The following CELF6 variants were observed in gnomAD, a reference collection of about 807,000 sequenced individuals.
CELF6 encodes CUGBP Elav-like family member 6.
Under a neutral mutation model 53.1 loss-of-function variants are expected in CELF6, and 32 were observed. The ratio of observed to expected loss-of-function variants is 0.60; its 90% CI spans 0.46 to 0.81. The LOEUF (loss-of-function observed/expected upper bound fraction) is 0.81. Ranked by LOEUF, CELF6 falls within the 30% of genes least tolerant of loss-of-function variation. The pLI, the probability that CELF6 is intolerant of heterozygous loss-of-function variation, is 0.00. For missense variants in CELF6, 539 were observed against 669.5 expected, an observed-to-expected ratio of 0.81 and a Z score of 2.15; for synonymous variants, 291 against 288.8, an observed-to-expected ratio of 1.01 and a Z score of -0.08.
intron 3 of CELF6, among the ~76,000 whole-genome samples, chr15:72,301,839 C>T (rs558615862): frequency 1.1e-3 from 171 of 151,524 alleles, no homozygotes; most frequent in Middle Eastern, 6.8e-3. Flanking sequence ...TGGGTTCACG[C>T]CGTTCTCCCG....
At chr15:72,317,283 T>C (rs2088374822) in intron 1 of CELF6, among the ~76,000 whole-genome samples, 1 of 152,168 alleles carries the variant, frequency 6.6e-6, no homozygotes, top group Non-Finnish European at 1.5e-5. Flanking sequence ...GGAGAAGGAC[T>C]GAAGGAGGAG....
intron 3 of CELF6, among the ~76,000 whole-genome samples, chr15:72,303,902 G>A (rs771567185): frequency 6.6e-6 from 1 of 152,148 alleles, no homozygotes; most frequent in African/African-American, 2.4e-5. Context: ...CTGTTGCCCA[G>A]GCTGGAGTGC....
intron 2 of CELF6, 69 bp downstream of exon 2, chr15:72,315,775 GC>G: frequency 9.3e-7 from 1 of 1,078,348 alleles, no homozygotes; most frequent in Non-Finnish European, 1.3e-6. Context: ...CCCACATGCT[GC>G]TTTGGCATGC....
intron 3 of CELF6, among the ~76,000 whole-genome samples, chr15:72,301,868 A>G (rs1220134163): frequency 6.6e-6 from 1 of 151,364 alleles, no homozygotes; most frequent in Non-Finnish European, 1.5e-5. Flanking sequence ...TCCTGAGTAG[A>G]TGGGACTACA....
At chr15:72,296,644 A>G (rs1273110694) in intron 3 of CELF6, among the ~76,000 whole-genome samples, 2 of 152,272 alleles carry the variant, frequency 1.3e-5, no homozygotes, top group African/African-American at 4.8e-5. Context: ...GGATTTGTAT[A>G]GATGTTTCTG....
At chr15:72,301,648 A>G (rs2141196269) in intron 3 of CELF6, among the ~76,000 whole-genome samples, 1 of 152,282 alleles carries the variant, frequency 6.6e-6, no homozygotes, top group East Asian at 1.9e-4. Context: ...GGTCACAGAT[A>G]TAAGACTTAA....
Position 72,289,247 on chromosome 15 carries a change from TG to T in CELF6, c.920del (p.Pro307GlnfsTer15). 6.3e-7 allele frequency: 1 copy of T among 1,584,118 alleles called. No individual in the cohort carries two copies. The highest frequency in any genetic ancestry group is 8.6e-7 in the Non-Finnish European group (1 of 1,169,580). On this transcript the variant is annotated frameshift_variant, in exon 8 of 13. Transcript: ENST00000287202. LOFTEE classifies it high-confidence loss of function. This position sits in a 1 kb window ranked among gnomAD's most constrained non-coding sequence, Gnocchi z 7.6. ...TGACCCCGATGGGCGCCGGAAGACC[TG>T]GGAGGGTGCCAGGGCCGCTGCCAGG... The part of the protein sequence containing the change: ...SPPGSGPGTL[P>X]GLPAPIGVNG...
intron 3 of CELF6, among the ~76,000 whole-genome samples, chr15:72,299,543 T>C (rs2088125182): frequency 6.6e-6 from 1 of 151,824 alleles, no homozygotes; most frequent in Admixed American, 6.6e-5. Context: ...TGTATTTTAG[T>C]AGAGACAGGG....
chr15:72,290,670 A>G (rs1190186186), intron 3 of CELF6, among the ~76,000 whole-genome samples: 3 of 152,236 alleles, frequency 2.0e-5, no homozygotes, highest in Non-Finnish European at 4.4e-5. Context: ...CTTTCTATTC[A>G]GACTGGGTCC....
At chr15:72,290,057 G>A in intron 4 of CELF6, 39 bp from the exon 5 acceptor site, 1 of 1,613,390 alleles carries the variant, frequency 6.2e-7, no homozygotes, top group Non-Finnish European at 8.5e-7. Context: ...TCAGGCCACA[G>A]GGGCCAAAGA....
chr15:72,311,004 C>G (rs910813606), intron 2 of CELF6, among the ~76,000 whole-genome samples: 2 of 152,168 alleles, frequency 1.3e-5, no homozygotes, highest in African/African-American at 2.4e-5. Flanking sequence ...AGTGTTCACA[C>G]TGTCCCCAAA....
chr15:72,289,507 T>C lies in CELF6; in HGVS notation c.748A>G (p.Ile250Val). Residue 250 changes from isoleucine (I) to valine (V), a missense_variant and splice_region_variant, in exon 7 of 13, where the codon ATC becomes GTC. Coordinates refer to ENST00000287202, the MANE Select transcript of CELF6 (RefSeq NM_052840.5). This position sits in a 1 kb window ranked among gnomAD's most constrained non-coding sequence, Gnocchi z 7.6. ...AGCAGGGCCGCCTGGTGCTGCAGGA[T>C]CTTTGAGAGGAAAGATGGGCGAGAG... is the stretch of plus-strand genomic sequence containing the variant. Reference protein sequence around the residue: ...LGACGAYTTAILQHQAALLAA... With the variant: ...LGACGAYTTAVLQHQAALLAA... 1 of 1,513,710 alleles carries C rather than the reference T, an allele frequency of 6.6e-7. No individual in the cohort carries two copies. The highest frequency in any genetic ancestry group is 1.4e-5 in the African/African-American group (1 of 71,480). 93.8% of individuals were successfully genotyped at this position (1,513,710 alleles called of 1,614,324 possible).
At chr15:72,303,878 T>C (rs1567282335) in intron 3 of CELF6, among the ~76,000 whole-genome samples, 1 of 152,086 alleles carries the variant, frequency 6.6e-6, no homozygotes, top group Non-Finnish European at 1.5e-5. Flanking sequence ...TTTGTTTTGA[T>C]ACAGAGTCAT....
At chr15:72,300,756 C>T (rs2088143886) in intron 3 of CELF6, among the ~76,000 whole-genome samples, 1 of 152,042 alleles carries the variant, frequency 6.6e-6, no homozygotes, top group African/African-American at 2.4e-5. Context: ...ATTGCTTGAA[C>T]CCAGGAGGCA....
intron 3 of CELF6, among the ~76,000 whole-genome samples, chr15:72,298,729 A>T (rs1362563823): frequency 6.6e-6 from 1 of 152,242 alleles, no homozygotes; most frequent in Non-Finnish European, 1.5e-5. Flanking sequence ...CTTTTCCTAT[A>T]AGATCGGTAC....
At chr15:72,310,278 C>A (rs908202122) in intron 2 of CELF6, among the ~76,000 whole-genome samples, 8 of 152,136 alleles carry the variant, frequency 5.3e-5, no homozygotes, top group Admixed American at 3.9e-4. Flanking sequence ...CAGAAAAAAA[C>A]CAAACTTTCT....
At chr15:72,305,241 C>T (rs1024786867) in intron 2 of CELF6, among the ~76,000 whole-genome samples, 3 of 152,220 alleles carry the variant, frequency 2.0e-5, no homozygotes, top group Non-Finnish European at 4.4e-5. Flanking sequence ...GAATCAGACT[C>T]AGTGCTATCT....
intron 2 of CELF6, among the ~76,000 whole-genome samples, chr15:72,314,815 G>A (rs1427294810): frequency 2.0e-5 from 3 of 151,876 alleles, no homozygotes; most frequent in Admixed American, 6.6e-5. Flanking sequence ...GGCTGGTCTC[G>A]AACTCCTGAC....
chr15:72,287,474 C>T, intron 11 of CELF6, 82 bp from the exon 12 acceptor site: 31 of 1,531,034 alleles, frequency 2.0e-5, no homozygotes, highest in Non-Finnish European at 2.8e-5. Context: ...CCTCCTCTTC[C>T]AGCCCCGTCA....
Sources: gnomAD v4.1 joint callset for allele counts (sites outside exome capture counted in the v4.1 genomes callset) on GRCh38, gnomAD v4.1.1 for gene constraint, Gnocchi (gnomAD v3.1) non-coding constraint, MANE v1.5 for transcripts, NCBI Gene and HGNC (gene_info 2026-07-23, HGNC 2026-07-21) for gene names.